Variants in CDK14 observed in about 807,000 individuals in gnomAD.
CDK14 encodes cyclin-dependent kinase 14.
A neutral mutation model predicts 60.7 loss-of-function variants in CDK14; 34 were observed. The ratio of observed to expected loss-of-function variants is 0.56; its 90% CI spans 0.43 to 0.75. The LOEUF (loss-of-function observed/expected upper bound fraction) is 0.75. Among genes scored for constraint, CDK14 ranks in the 30% least tolerant of loss-of-function variants. The pLI is 0.00. For synonymous variants in CDK14, 197 were observed against 203.7 expected (o/e 0.97, Z 0.28); for missense variants, 482 against 564.1 (o/e 0.85, Z 1.47).
chr7:90,848,739 A>C (rs939657846), intron 5 of CDK14, among the ~76,000 whole-genome samples: 2 of 152,168 alleles, frequency 1.3e-5, no homozygotes, highest in African/African-American at 4.8e-5. Context: ...TCAGTGTCTG[A>C]TTAAATCTGC....
At chr7:90,688,741 A>G (rs1311502073) in intron 2 of CDK14, among the ~76,000 whole-genome samples, 1 of 152,214 alleles carries the variant, frequency 6.6e-6, no homozygotes. Context: ...GATTTCTGAT[A>G]GAGCAGGCAC....
chr7:91,036,738 A>G (rs879588684), intron 10 of CDK14, among the ~76,000 whole-genome samples: 5 of 152,152 alleles, frequency 3.3e-5, no homozygotes, highest in Admixed American at 1.3e-4. Flanking sequence ...AATATAACAT[A>G]TATATAGTTG....
intron 14 of CDK14, among the ~76,000 whole-genome samples, chr7:91,192,983 T>C (rs1037139141): frequency 2.6e-5 from 4 of 152,166 alleles, no homozygotes; most frequent in Admixed American, 1.3e-4. Flanking sequence ...GAGTGAGTTA[T>C]TTTGTTTATT....
intron 7 of CDK14, among the ~76,000 whole-genome samples, chr7:90,905,648 C>T (rs1792672989): frequency 1.3e-5 from 2 of 152,106 alleles, no homozygotes. Flanking sequence ...GCATCAGGTT[C>T]ACTGAGATGA....
intron 10 of CDK14, among the ~76,000 whole-genome samples, chr7:91,011,553 T>C (rs1429665777): frequency 6.6e-6 from 1 of 152,094 alleles, no homozygotes; most frequent in African/African-American, 2.4e-5. Context: ...CTTGTTCCTC[T>C]CCTTTAGGGT....
At chr7:91,169,959 G>A (rs977241058) in intron 14 of CDK14, among the ~76,000 whole-genome samples, 3 of 152,166 alleles carry the variant, frequency 2.0e-5, no homozygotes, top group Non-Finnish European at 2.9e-5. Flanking sequence ...TTTTCCTGCT[G>A]AGCTGCCATC....
intron 5 of CDK14, among the ~76,000 whole-genome samples, chr7:90,796,333 G>A (rs1287999520): frequency 6.6e-6 from 1 of 152,084 alleles, no homozygotes; most frequent in Non-Finnish European, 1.5e-5. Context: ...GAAATTATGG[G>A]TTTATTAGAT....
At chr7:91,067,210 A>G (rs2116158184) in intron 11 of CDK14, among the ~76,000 whole-genome samples, 1 of 152,354 alleles carries the variant, frequency 6.6e-6, no homozygotes, top group South Asian at 2.1e-4. Context: ...AACGTGGCTA[A>G]TTATGTTTTT....
intron 1 of CDK14, among the ~76,000 whole-genome samples, chr7:90,598,722 T>TTTTTTTA (rs58589657): frequency 7.4e-6 from 1 of 135,668 alleles, no homozygotes; most frequent in African/African-American, 2.7e-5. Context: ...TTTTTTTTTT[T>TTTTTTTA]GAGACGGAGT....
At chr7:90,687,875 G>A (rs1431925607) in intron 2 of CDK14, among the ~76,000 whole-genome samples, 1 of 152,148 alleles carries the variant, frequency 6.6e-6, no homozygotes, top group Non-Finnish European at 1.5e-5. Context: ...TGGAATAGTG[G>A]CCTCTTTCTT....
At chr7:90,726,853 GA>G (rs780469286) in intron 3 of CDK14, 41 bp downstream of exon 3, 12 of 1,606,196 alleles carry the variant, frequency 7.5e-6, no homozygotes, top group Non-Finnish European at 1.0e-5. Context: ...TAAACAGAAG[GA>G]ATAGCCTTCT....
chr7:90,670,696 G>A (rs1380975103), intron 2 of CDK14, among the ~76,000 whole-genome samples: 4 of 152,078 alleles, frequency 2.6e-5, no homozygotes, highest in Non-Finnish European at 4.4e-5. Flanking sequence ...ACCAGATCCT[G>A]TGAGAACTCA....
chr7:91,057,809 C>T (rs1053677236), intron 11 of CDK14, among the ~76,000 whole-genome samples: 5 of 151,974 alleles, frequency 3.3e-5, no homozygotes, highest in African/African-American at 1.2e-4. Context: ...GTTACTGTAG[C>T]CTTGTAGTAT....
chr7:90,857,016 C>A (rs886577195), intron 5 of CDK14, among the ~76,000 whole-genome samples: 5 of 151,904 alleles, frequency 3.3e-5, no homozygotes, highest in Non-Finnish European at 7.4e-5. Flanking sequence ...GGCTGTGTGT[C>A]TTTGTAATCT....
rs548071537 is a variant in CDK14, at chr7:90,814,299, A to C, written c.544+23647A>C. On this transcript the variant is annotated intron_variant, in intron 5 of 14. Transcript: ENST00000380050. ...AGTAAGTACTCTTACAGTCGGAAGG[A>C]AAGTTTCAGGGGTCTCTTGTTGATG... 2.0e-5 allele frequency among the ~76,000 whole-genome samples: 3 copies of C among 152,278 alleles called. No individual in the cohort carries two copies. In the East Asian group the frequency reaches 5.8e-4, roughly 29 times the overall value.
At chr7:91,144,298 TCA>T (rs1800555821) in intron 14 of CDK14, among the ~76,000 whole-genome samples, 1 of 152,222 alleles carries the variant, frequency 6.6e-6, no homozygotes, top group Non-Finnish European at 1.5e-5. Context: ...CAAATAGATA[TCA>T]CAGTTATTAA....
chr7:90,663,095 AACACACAC>A (rs111918409), intron 2 of CDK14, among the ~76,000 whole-genome samples: 96 of 132,054 alleles, frequency 7.3e-4, no homozygotes, highest in South Asian at 5.8e-3. Context: ...CTAAGATGGG[AACACACAC>A]ACACACACAC....
chr7:90,639,787 C>A (rs368034691), intron 2 of CDK14, among the ~76,000 whole-genome samples: 3 of 151,942 alleles, frequency 2.0e-5, no homozygotes, highest in South Asian at 2.1e-4. Context: ...TCGAGCTTCC[C>A]GGCTGCTTTG....
In CDK14 at chr7:90,745,252, C is replaced by T. The variant is rs559510772; in HGVS notation, c.370-2429C>T. 4.0e-3 allele frequency among the ~76,000 whole-genome samples: 610 copies of T among 152,156 alleles called. 2 individuals carry two copies. Among genetic ancestry groups the T allele is most frequent in the Non-Finnish European group, 6.4e-3 (437 of 67,988 alleles). Reference sequence around the variant, plus strand: ...ATCTTATATTGAGATAATTTTTTGTCTAGATTTTTTTCTGTGGGTAATAAA... The same window carrying T: ...ATCTTATATTGAGATAATTTTTTGTTTAGATTTTTTTCTGTGGGTAATAAA... On this transcript the variant is annotated intron_variant, in intron 3 of 14. Coordinates refer to ENST00000380050, the MANE Select transcript of CDK14 (RefSeq NM_001287135.2).
Sources: gnomAD v4.1 joint callset for allele counts (sites outside exome capture counted in the v4.1 genomes callset) on GRCh38, gnomAD v4.1.1 for gene constraint, MANE v1.5 for transcripts, NCBI Gene and HGNC (gene_info 2026-07-23, HGNC 2026-07-21) for gene names.